SEPTIN9: variants seen among roughly 807,000 people sequenced by gnomAD.
SEPTIN9 encodes septin-9.
Under a neutral mutation model 56.6 loss-of-function variants are expected in SEPTIN9, and 13 were observed. That is an observed-to-expected ratio of 0.23 (90% CI 0.15 to 0.37). The LOEUF (loss-of-function observed/expected upper bound fraction) is 0.37. Ranked by LOEUF, SEPTIN9 falls within the 10% of genes least tolerant of loss-of-function variation. The probability of loss-of-function intolerance (pLI) is 1.00; values close to 1 mark genes in which losing one functional copy is unlikely to be tolerated. For missense variants in SEPTIN9, 650 were observed against 823.1 expected (o/e 0.79, Z 2.57); for synonymous variants, 332 against 334.1 (o/e 0.99, Z 0.07).
chr17:77,295,433 A>C (rs577587310), intron 1 of SEPTIN9, among the ~76,000 whole-genome samples: 7 of 152,024 alleles, frequency 4.6e-5, no homozygotes, highest in Non-Finnish European at 7.4e-5. Context: ...AACTACACAG[A>C]GGACCACCTC....
At chr17:77,344,726 C>T (rs2143774014) in intron 2 of SEPTIN9, among the ~76,000 whole-genome samples, 1 of 152,250 alleles carries the variant, frequency 6.6e-6, no homozygotes, top group Admixed American at 6.5e-5. Flanking sequence ...AATCCCAGCG[C>T]TTTGGAAGGC....
At chr17:77,489,746 A>C (rs904928495) in intron 7 of SEPTIN9, among the ~76,000 whole-genome samples, 1 of 152,116 alleles carries the variant, frequency 6.6e-6, no homozygotes, top group African/African-American at 2.4e-5. Flanking sequence ...GGAAAACCCA[A>C]GCCGGAGTTT....
intron 4 of SEPTIN9, among the ~76,000 whole-genome samples, chr17:77,486,724 C>T (rs1568114674): frequency 6.6e-6 from 1 of 151,992 alleles, no homozygotes; most frequent in South Asian, 2.1e-4. Context: ...ACTTCCTCAT[C>T]CTCGTTTGTC....
intron 2 of SEPTIN9, among the ~76,000 whole-genome samples, chr17:77,370,197 A>T (rs774816452): frequency 2.1e-4 from 32 of 152,168 alleles, no homozygotes; most frequent in Non-Finnish European, 3.8e-4. Context: ...GTGTCCTCTC[A>T]CAGTTCTGGA....
chr17:77,344,633 A>G (rs1026894690), intron 2 of SEPTIN9, among the ~76,000 whole-genome samples: 6 of 152,168 alleles, frequency 3.9e-5, no homozygotes, highest in African/African-American at 1.4e-4. Context: ...GAATGAACAG[A>G]CAAAATGTGG....
intron 2 of SEPTIN9, among the ~76,000 whole-genome samples, chr17:77,359,894 G>T (rs986290613): frequency 2.0e-5 from 3 of 152,158 alleles, no homozygotes; most frequent in African/African-American, 4.8e-5. Context: ...GGTGGGCGCA[G>T]TGGCTCATGC....
chr17:77,430,549 C>T (rs989937669), intron 3 of SEPTIN9, among the ~76,000 whole-genome samples: 1 of 152,182 alleles, frequency 6.6e-6, no homozygotes, highest in Non-Finnish European at 1.5e-5. Context: ...CATTCCCGAT[C>T]TTGGTTTCTG....
At chr17:77,386,173 T>G (rs562119352) in intron 2 of SEPTIN9, among the ~76,000 whole-genome samples, 1 of 152,256 alleles carries the variant, frequency 6.6e-6, no homozygotes, top group East Asian at 1.9e-4. Flanking sequence ...AACCTGCGAT[T>G]TAATGAAGAG....
At chr17:77,355,721 A>G (rs1443455130) in intron 2 of SEPTIN9, among the ~76,000 whole-genome samples, 1 of 151,770 alleles carries the variant, frequency 6.6e-6, no homozygotes, top group East Asian at 1.9e-4. Flanking sequence ...GGTGGCTCAC[A>G]CCTGTAATCC....
chr17:77,339,958 TG>T (rs1297407583), intron 2 of SEPTIN9, among the ~76,000 whole-genome samples: 1 of 151,916 alleles, frequency 6.6e-6, no homozygotes, highest in African/African-American at 2.4e-5. Flanking sequence ...CCTGAGTAGC[TG>T]GGACTGCAGG....
chr17:77,479,924 G>T (rs1233414456), intron 3 of SEPTIN9, among the ~76,000 whole-genome samples: 2 of 152,196 alleles, frequency 1.3e-5, no homozygotes, highest in Non-Finnish European at 2.9e-5. Flanking sequence ...GCTTCAGGAA[G>T]CGGCCCCAAA....
intron 3 of SEPTIN9, chr17:77,446,748 A>C (rs2037757860): frequency 6.0e-6 from 1 of 167,082 alleles, no homozygotes; most frequent in Non-Finnish European, 1.5e-5. Flanking sequence ...CTGTTGCCAC[A>C]TGAGGTAACA....
chr17:77,330,498 C>G lies in SEPTIN9; in HGVS notation c.76+23301C>G, dbSNP rs1011172932. 6.6e-6 allele frequency among the ~76,000 whole-genome samples: 1 copy of G among 152,196 alleles called. No homozygotes were observed. Among genetic ancestry groups the G allele is most frequent in the Non-Finnish European group, 1.5e-5 (1 of 68,032 alleles). ...GATGGCGTGGACTCAGCCAGGCTCT[C>G]GGGCAGCCTTTCCTGGATTCTTCCT... is the stretch of plus-strand genomic sequence containing the variant. On this transcript the variant is annotated intron_variant, in intron 2 of 11. Transcript: ENST00000427177. This position sits in a 1 kb window ranked among gnomAD's most constrained non-coding sequence, Gnocchi z 4.4.
intron 1 of SEPTIN9, among the ~76,000 whole-genome samples, chr17:77,282,711 G>A (rs142577462): frequency 1.0e-3 from 156 of 152,344 alleles, no homozygotes; most frequent in Admixed American, 1.8e-3. Flanking sequence ...CGAACAAGAT[G>A]GCCCTCTACG....
At chr17:77,338,115 C>G (rs1173658986) in intron 2 of SEPTIN9, among the ~76,000 whole-genome samples, 1 of 151,752 alleles carries the variant, frequency 6.6e-6, no homozygotes. Flanking sequence ...GAGAATTGCT[C>G]GAACCTGGGA....
At chr17:77,338,644 C>T (rs1354633063) in intron 2 of SEPTIN9, among the ~76,000 whole-genome samples, 1 of 152,224 alleles carries the variant, frequency 6.6e-6, no homozygotes, top group East Asian at 1.9e-4. Flanking sequence ...GTCTCAAACT[C>T]CTGACCTCAG....
chr17:77,475,564 C>T lies in SEPTIN9; in HGVS notation c.722-6580C>T, dbSNP rs1330397950. On this transcript the variant is annotated intron_variant, in intron 3 of 11. Transcript: ENST00000427177. The surrounding 1 kb of genome is among the most constrained non-coding windows in gnomAD (Gnocchi z 4.6). ...AGGCCTGCAGGTGGCCGTAGGGCTG[C>T]CGCAGGGGTGCTGGCCCCAGGGTCT... The T allele has an allele frequency of 6.2e-7, 1 of 1,613,208 alleles. No homozygotes were observed. Among genetic ancestry groups the T allele is most frequent in the African/African-American group, 1.3e-5 (1 of 75,050 alleles).
chr17:77,484,334 G>C (rs1209854538), intron 4 of SEPTIN9, among the ~76,000 whole-genome samples: 1 of 150,648 alleles, frequency 6.6e-6, no homozygotes, highest in Non-Finnish European at 1.5e-5. Context: ...TGGTGGTGGT[G>C]GTGATGGAGG....
At chr17:77,331,961 T>G (rs1328923713) in intron 2 of SEPTIN9, among the ~76,000 whole-genome samples, 1 of 152,174 alleles carries the variant, frequency 6.6e-6, no homozygotes, top group Non-Finnish European at 1.5e-5. Context: ...CTTTTTGCCG[T>G]AAAACTTTTC....
Sources: gnomAD v4.1 joint callset for allele counts (sites outside exome capture counted in the v4.1 genomes callset) on GRCh38, gnomAD v4.1.1 for gene constraint, Gnocchi (gnomAD v3.1) non-coding constraint, MANE v1.5 for transcripts, NCBI Gene and HGNC (gene_info 2026-07-23, HGNC 2026-07-21) for gene names.